The following RGS6 variants were observed in gnomAD, a reference collection of about 807,000 sequenced individuals.
RGS6 encodes regulator of G-protein signaling 6.
A neutral mutation model predicts 78.5 loss-of-function variants in RGS6; 30 were observed. The observed-to-expected ratio is 0.38, with a 90% CI of 0.29 to 0.52. RGS6 has a LOEUF of 0.52. RGS6 is among the 20% of genes least tolerant of loss of function. The pLI, the probability that RGS6 is intolerant of heterozygous loss-of-function variation, is 0.85. For missense variants in RGS6, 495 were observed against 609.7 expected (o/e 0.81, Z 1.98); for synonymous variants, 206 against 206.0 (o/e 1.00, Z 0.00).
At chr14:72,338,205 A>G (rs558102290) in intron 2 of RGS6, among the ~76,000 whole-genome samples, 2 of 151,870 alleles carry the variant, frequency 1.3e-5, no homozygotes, top group African/African-American at 4.9e-5. Context: ...AGTTTTCACA[A>G]TGCTGATAAA....
chr14:72,244,694 G>C (rs577231869), intron 2 of RGS6, among the ~76,000 whole-genome samples: 1 of 152,286 alleles, frequency 6.6e-6, no homozygotes, highest in South Asian at 2.1e-4. Flanking sequence ...TGTACCAAAA[G>C]CTTGCTTTCT....
At chr14:72,166,130 A>G (rs2096923534) in intron 2 of RGS6, among the ~76,000 whole-genome samples, 1 of 137,862 alleles carries the variant, frequency 7.3e-6, no homozygotes, top group Non-Finnish European at 1.6e-5. Flanking sequence ...ACACACACAC[A>G]CACACACAGA....
chr14:72,585,271 T>A, the RGS6 span, among the ~76,000 whole-genome samples: 1 of 152,216 alleles, frequency 6.6e-6, no homozygotes, highest in Non-Finnish European at 1.5e-5. Context: ...CTCCTCTTTC[T>A]CTATTCCACA....
intron 2 of RGS6, among the ~76,000 whole-genome samples, chr14:72,025,063 C>T (rs932019397): frequency 2.0e-5 from 3 of 152,120 alleles, no homozygotes; most frequent in Admixed American, 6.5e-5. Flanking sequence ...TGAGACTATA[C>T]GTGTCCCTAT....
chr14:72,204,128 G>A (rs917211285), intron 2 of RGS6, among the ~76,000 whole-genome samples: 2 of 152,072 alleles, frequency 1.3e-5, no homozygotes, highest in Admixed American at 6.6e-5. Context: ...CTGGCCTATT[G>A]TAACCACTTT....
chr14:72,296,526 A>T (rs1049363628), intron 2 of RGS6, among the ~76,000 whole-genome samples: 1 of 152,072 alleles, frequency 6.6e-6, no homozygotes, highest in Non-Finnish European at 1.5e-5. Flanking sequence ...CAGCTATTCT[A>T]TTTGGTGTGT....
At chr14:71,894,931 A>G in the RGS6 span, among the ~76,000 whole-genome samples, 3 of 151,584 alleles carry the variant, frequency 2.0e-5, no homozygotes, top group Non-Finnish European at 4.4e-5. Context: ...CGCCCAGCTA[A>G]TTTTGTATTT....
intron 2 of RGS6, among the ~76,000 whole-genome samples, chr14:72,116,261 C>T (rs1233008693): frequency 6.6e-6 from 1 of 152,124 alleles, no homozygotes; most frequent in Non-Finnish European, 1.5e-5. Flanking sequence ...GAGGTTTAGC[C>T]AGCAAGTTAA....
chr14:72,523,454 AT>A (rs1229403756), intron 15 of RGS6, among the ~76,000 whole-genome samples: 1 of 152,102 alleles, frequency 6.6e-6, no homozygotes, highest in Non-Finnish European at 1.5e-5. Context: ...CAGTGGTCAT[AT>A]GCTTTAATAT....
intron 4 of RGS6, 136 bp from the exon 5 acceptor site, chr14:72,458,135 A>C: frequency 1.5e-6 from 1 of 646,256 alleles, no homozygotes. Flanking sequence ...CCTCACCCCC[A>C]CACTGAGCAA....
chr14:72,037,285 T>C (rs2091850104), intron 2 of RGS6, among the ~76,000 whole-genome samples: 1 of 152,188 alleles, frequency 6.6e-6, no homozygotes, highest in Non-Finnish European at 1.5e-5. Flanking sequence ...ATCCACACTG[T>C]GGAAGCTTTG....
intron 2 of RGS6, among the ~76,000 whole-genome samples, chr14:72,174,811 G>T (rs956866001): frequency 6.6e-6 from 1 of 152,222 alleles, no homozygotes; most frequent in African/African-American, 2.4e-5. Flanking sequence ...TGAGGTCGCA[G>T]TGATGTCAGG....
intron 2 of RGS6, among the ~76,000 whole-genome samples, chr14:72,259,972 C>T (rs2057844620): frequency 6.6e-6 from 1 of 150,962 alleles, no homozygotes; most frequent in Non-Finnish European, 1.5e-5. Context: ...TTAAAACAAC[C>T]TCAACTTCCA....
In RGS6 at chr14:72,017,824, A is replaced by T. The variant is rs192874829; in HGVS notation, c.84+52949A>T. Among the ~76,000 whole-genome samples the T allele has an allele frequency of 2.0e-5, 3 of 151,788 alleles. No homozygotes were observed. In the East Asian group the frequency reaches 5.8e-4, roughly 29 times the overall value. On this transcript the variant is annotated intron_variant, in intron 2 of 17. Coordinates refer to ENST00000553525, the MANE Select transcript of RGS6 (RefSeq NM_001204424.2). The stretch of plus-strand genomic sequence containing the variant: ...TCCAGGGTACATGTGCAGGATGTGC[A>T]GGTTTGTTATATAGGTAAATGTGTG...
chr14:72,347,441 C>T (rs1164125470), intron 2 of RGS6, among the ~76,000 whole-genome samples: 1 of 152,224 alleles, frequency 6.6e-6, no homozygotes, highest in African/African-American at 2.4e-5. Context: ...TCTGCATCCT[C>T]CTCTGCCCTT....
intron 2 of RGS6, among the ~76,000 whole-genome samples, chr14:72,152,600 T>C (rs2153639603): frequency 6.6e-6 from 1 of 152,292 alleles, no homozygotes; most frequent in South Asian, 2.1e-4. Context: ...AGAAAACGTT[T>C]ACCAGTAAGA....
At chr14:71,929,549 G>T (rs2087770859), upstream of RGS6, among the ~76,000 whole-genome samples, 2 of 152,102 alleles carry the variant, frequency 1.3e-5, no homozygotes, top group South Asian at 4.1e-4. Context: ...TATTACAGCT[G>T]CATGTTAATA....
At chr14:72,062,967 A>T (rs1317636814) in intron 2 of RGS6, among the ~76,000 whole-genome samples, 1 of 152,086 alleles carries the variant, frequency 6.6e-6, no homozygotes, top group Non-Finnish European at 1.5e-5. Context: ...AGATTTACAG[A>T]TGTGCACCAC....
intron 2 of RGS6, among the ~76,000 whole-genome samples, chr14:72,020,899 C>T (rs2088282950): frequency 6.6e-6 from 1 of 152,116 alleles, no homozygotes; most frequent in Non-Finnish European, 1.5e-5. Flanking sequence ...GAAATGGAGT[C>T]CGAGTAGAGA....
Sources: gnomAD v4.1 joint callset for allele counts (sites outside exome capture counted in the v4.1 genomes callset) on GRCh38, gnomAD v4.1.1 for gene constraint, MANE v1.5 for transcripts, NCBI Gene and HGNC (gene_info 2026-07-23, HGNC 2026-07-21) for gene names.